Variants in NEBL observed in about 807,000 individuals in gnomAD.
NEBL encodes LIM and SH3 protein 2.
NEBL carries 122 observed loss-of-function variants against 140.2 expected under a neutral mutation model. The ratio of observed to expected loss-of-function variants is 0.87; its 90% CI spans 0.75 to 1.01. NEBL has a LOEUF of 1.01. Ranked by LOEUF, NEBL falls within the 50% of genes least tolerant of loss-of-function variation. NEBL has a pLI of 0.00. For synonymous variants in NEBL, 436 were observed against 398.9 expected, an observed-to-expected ratio of 1.09 and a Z score of -1.11; for missense variants, 1,365 against 1,231.3, an observed-to-expected ratio of 1.11 and a Z score of -1.62.
At chr10:20,856,563 T>C (rs1326205994) in intron 9 of NEBL, among the ~76,000 whole-genome samples, 1 of 152,082 alleles carries the variant, frequency 6.6e-6, no homozygotes, top group Non-Finnish European at 1.5e-5. Context: ...AATATATCAA[T>C]TTTAGAAGCA....
At chr10:20,809,725 A>G in intron 25 of NEBL, 81 bp downstream of exon 25, 1 of 1,133,504 alleles carries the variant, frequency 8.8e-7, no homozygotes, top group Non-Finnish European at 1.3e-6. Flanking sequence ...ATTACACAGT[A>G]CAATGAACCT....
chr10:20,931,880 G>A (rs1834203818), intron 4 of NEBL, among the ~76,000 whole-genome samples: 1 of 152,090 alleles, frequency 6.6e-6, no homozygotes. Flanking sequence ...GCCAAAGTAA[G>A]GAAAGAAATA....
At chr10:21,160,853 A>T (rs552267351) in intron 2 of NEBL, among the ~76,000 whole-genome samples, 2 of 122,726 alleles carry the variant, frequency 1.6e-5, no homozygotes, top group South Asian at 5.5e-4. Context: ...CATCAAACTT[A>T]TTTCCAGGGG....
chr10:21,038,386 G>A (rs756273130), intron 2 of NEBL, among the ~76,000 whole-genome samples: 18 of 152,068 alleles, frequency 1.2e-4, no homozygotes, highest in East Asian at 1.9e-4. Context: ...GGCAGGCCTC[G>A]GTGTGTGATA....
intron 2 of NEBL, among the ~76,000 whole-genome samples, chr10:21,064,305 T>A (rs1835434388): frequency 6.6e-6 from 1 of 152,222 alleles, no homozygotes; most frequent in African/African-American, 2.4e-5. Flanking sequence ...TTTGAAAACT[T>A]TTATAATGTT....
intron 24 of NEBL, 85 bp downstream of exon 24, chr10:20,812,684 G>C (rs1838277428): frequency 6.6e-7 from 1 of 1,510,232 alleles, no homozygotes; most frequent in South Asian, 1.1e-5. Context: ...TGAGGAGTCA[G>C]ATGACTCAAG....
intron 4 of NEBL, among the ~76,000 whole-genome samples, chr10:20,918,715 G>C (rs376140041): frequency 6.6e-6 from 1 of 151,612 alleles, no homozygotes; most frequent in Non-Finnish European, 1.5e-5. Context: ...TACAGGCGTG[G>C]TGGCGGGCGC....
At chr10:20,834,647 A>G (rs907932441) in intron 14 of NEBL, among the ~76,000 whole-genome samples, 10 of 152,154 alleles carry the variant, frequency 6.6e-5, no homozygotes, top group Non-Finnish European at 1.5e-4. Context: ...GTCTCAGGAT[A>G]CTCCACTGAA....
intron 2 of NEBL, among the ~76,000 whole-genome samples, chr10:21,120,188 A>G (rs1406365271): frequency 6.6e-6 from 1 of 151,444 alleles, no homozygotes; most frequent in Non-Finnish European, 1.5e-5. Context: ...TGGCCTGGGC[A>G]ATATAGGGAG....
At chr10:20,858,963 G>A (rs981251821) in intron 8 of NEBL, among the ~76,000 whole-genome samples, 5 of 152,052 alleles carry the variant, frequency 3.3e-5, no homozygotes, top group South Asian at 4.1e-4. Context: ...GATAAAACAG[G>A]ATTTAGATCC....
intron 3 of NEBL, among the ~76,000 whole-genome samples, 185 bp downstream of exon 3, chr10:20,889,660 A>T (rs1264798588): frequency 6.6e-6 from 1 of 152,230 alleles, no homozygotes; most frequent in African/African-American, 2.4e-5. Flanking sequence ...AAGCATACAT[A>T]GTAAAATCTG....
intron 1 of NEBL, among the ~76,000 whole-genome samples, chr10:21,256,775 G>A (rs1588569862): frequency 6.6e-6 from 1 of 152,312 alleles, no homozygotes; most frequent in East Asian, 1.9e-4. Flanking sequence ...GGAGTTCCAG[G>A]CTGTAGTGAG....
intron 3 of NEBL, among the ~76,000 whole-genome samples, chr10:21,207,513 G>GCA (rs149932843): frequency 2.0e-5 from 3 of 151,914 alleles, no homozygotes; most frequent in Admixed American, 2.0e-4. Context: ...TATTGACTGT[G>GCA]CACACACACA....
At chr10:20,797,936 C>CA (rs1344208226) in intron 26 of NEBL, among the ~76,000 whole-genome samples, 2 of 151,016 alleles carry the variant, frequency 1.3e-5, no homozygotes, top group African/African-American at 4.9e-5. Context: ...ACCATCTCCG[C>CA]AAAAAAACAA....
intron 4 of NEBL, among the ~76,000 whole-genome samples, chr10:20,909,288 C>T (rs1277061870): frequency 6.6e-6 from 1 of 151,324 alleles, no homozygotes; most frequent in Non-Finnish European, 1.5e-5. Flanking sequence ...ACCTCCCCAC[C>T]ACCACCCCCA....
chr10:20,869,644 C>T, intron 6 of NEBL, 96 bp downstream of exon 6: 1 of 801,530 alleles, frequency 1.2e-6, no homozygotes, highest in African/African-American at 1.7e-5. Flanking sequence ...TGATTAGTTA[C>T]ACTAATTAAA....
At chr10:21,146,223 A>C in intron 2 of NEBL, 1 of 748,808 alleles carries the variant, frequency 1.3e-6, no homozygotes, top group Non-Finnish European at 2.2e-6. Context: ...TTTCATGCAG[A>C]GGGTACTCCG....
intron 3 of NEBL, among the ~76,000 whole-genome samples, chr10:21,204,838 G>A (rs1296157024): frequency 2.6e-5 from 4 of 152,266 alleles, no homozygotes; most frequent in African/African-American, 7.2e-5. Context: ...ACTGCAGGTG[G>A]GGCATTGACA....
rs868714843 is a variant in NEBL, at chr10:21,150,691, T to C, written c.164+21692A>G. Among the ~76,000 whole-genome samples, 11 of 152,336 alleles carry C rather than the reference T, an allele frequency of 7.2e-5. No homozygotes were observed. The Middle Eastern group carries it at 0.01, about 141-fold the overall frequency. ...ATTACATGTTCCTAATTAATCTTTA[T>C]AGTAATCATTCTTTGCACACCTTCT... On this transcript the variant is annotated intron_variant, in intron 2 of 6. Coordinates refer to the NEBL transcript ENST00000417816.
Sources: allele counts gnomAD v4.1 joint callset (sites outside exome capture counted in the v4.1 genomes callset), GRCh38; gene constraint gnomAD v4.1.1; transcripts MANE v1.5; gene names NCBI Gene and HGNC (gene_info 2026-07-23, HGNC 2026-07-21).